The following SUV39H2 variants were observed in gnomAD, a reference collection of about 807,000 sequenced individuals.
SUV39H2 encodes the protein SUV39H2 histone lysine methyltransferase.
A neutral mutation model predicts 47.5 loss-of-function variants in SUV39H2; 10 were observed. The ratio of observed to expected loss-of-function variants is 0.21; its 90% CI spans 0.13 to 0.36. The LOEUF is 0.36. SUV39H2 is among the 10% of genes least tolerant of loss of function. The probability of loss-of-function intolerance (pLI) is 1.00; values close to 1 mark genes in which losing one functional copy is unlikely to be tolerated. For missense variants in SUV39H2, 266 were observed against 487.4 expected, an observed-to-expected ratio of 0.55 and a Z score of 4.28; for synonymous variants, 159 against 166.8, an observed-to-expected ratio of 0.95 and a Z score of 0.36.
intron 2 of SUV39H2, among the ~76,000 whole-genome samples, chr10:14,891,459 T>G (rs1310795078): frequency 6.6e-6 from 1 of 152,220 alleles, no homozygotes; most frequent in African/African-American, 2.4e-5. Flanking sequence ...TTGTGGATTT[T>G]TTGTTTTTAC....
rs148152571 is a variant in SUV39H2, at chr10:14,901,884, A to G, written c.1127-522A>G. ...ATTTTTACTGAGAGATGTATATTCA[A>G]AAGATTGAAAATATTTAAATCACAT... On this transcript the variant is annotated intron_variant, in intron 5 of 5. Coordinates refer to ENST00000354919, the MANE Select transcript of SUV39H2 (RefSeq NM_001193424.2). Among the ~76,000 whole-genome samples, 941 of 152,342 alleles carry G rather than the reference A, an allele frequency of 6.2e-3. 7 individuals are homozygous for G. The highest frequency in any genetic ancestry group is 0.021 in the African/African-American group (889 of 41,580).
At chr10:14,878,948 T>G in intron 1 of SUV39H2, 29 bp downstream of exon 1, 2 of 1,441,082 alleles carry the variant, frequency 1.4e-6, no homozygotes, top group Non-Finnish European at 1.8e-6. Flanking sequence ...CCCCTCGCCT[T>G]CCCTGTTCCC....
chr10:14,888,669 C>A (rs1178693586), intron 2 of SUV39H2, among the ~76,000 whole-genome samples: 2 of 151,900 alleles, frequency 1.3e-5, no homozygotes, highest in Non-Finnish European at 2.9e-5. Context: ...AAGAGTAAAT[C>A]ATGGGAACCA....
intron 2 of SUV39H2, among the ~76,000 whole-genome samples, chr10:14,894,963 TAAC>T (rs1291485987): frequency 6.6e-6 from 1 of 152,182 alleles, no homozygotes; most frequent in Non-Finnish European, 1.5e-5. Flanking sequence ...TTATCTCAAT[TAAC>T]AAGATTTTTC....
At chr10:14,895,988 C>T (rs762173417) in intron 2 of SUV39H2, among the ~76,000 whole-genome samples, 1 of 150,566 alleles carries the variant, frequency 6.6e-6, no homozygotes, top group South Asian at 2.1e-4. Context: ...CTGTCGCCCA[C>T]GCTGGAGTGC....
chr10:14,891,545 T>G (rs151237087), intron 2 of SUV39H2, among the ~76,000 whole-genome samples: 3 of 152,284 alleles, frequency 2.0e-5, no homozygotes, highest in African/African-American at 7.2e-5. Flanking sequence ...GTTGGAAGAT[T>G]AATGTTTAAG....
At chr10:14,890,090 A>G (rs1012221670) in intron 2 of SUV39H2, among the ~76,000 whole-genome samples, 40 of 152,214 alleles carry the variant, frequency 2.6e-4, no homozygotes, top group African/African-American at 9.4e-4. Flanking sequence ...GCACAAATTA[A>G]TGATAGTCCA....
At chr10:14,892,160 T>C (rs754809631) in intron 2 of SUV39H2, among the ~76,000 whole-genome samples, 3 of 152,176 alleles carry the variant, frequency 2.0e-5, no homozygotes, top group Non-Finnish European at 4.4e-5. Flanking sequence ...GGTTAGGTGG[T>C]GGCTGCCGCC....
chr10:14,890,294 T>C (rs557237641), intron 2 of SUV39H2, among the ~76,000 whole-genome samples: 1 of 152,230 alleles, frequency 6.6e-6, no homozygotes, highest in South Asian at 2.1e-4. Context: ...GCTATCACAA[T>C]TCCTACTCTT....
chr10:14,899,501 A>G, intron 3 of SUV39H2, 38 bp from the exon 4 acceptor site: 12 of 1,605,262 alleles, frequency 7.5e-6, no homozygotes, highest in Non-Finnish European at 1.0e-5. Flanking sequence ...TCTTTGGTTC[A>G]GTAGCTACGT....
At chr10:14,900,403 A>G (rs1407112781) in intron 4 of SUV39H2, among the ~76,000 whole-genome samples, 1 of 152,226 alleles carries the variant, frequency 6.6e-6, no homozygotes, top group Non-Finnish European at 1.5e-5. Flanking sequence ...AGCTGAACAT[A>G]TAAAGGAAGT....
chr10:14,888,735 G>T (rs1833293180), intron 2 of SUV39H2, among the ~76,000 whole-genome samples: 1 of 152,116 alleles, frequency 6.6e-6, no homozygotes, highest in Non-Finnish European at 1.5e-5. Context: ...GAACTGGAAA[G>T]AATCCACTGT....
chr10:14,883,517 C>T (rs1260818776), intron 2 of SUV39H2, among the ~76,000 whole-genome samples: 3 of 151,430 alleles, frequency 2.0e-5, no homozygotes, highest in Non-Finnish European at 4.4e-5. Flanking sequence ...CCAGCCTGGC[C>T]AACATAGTGA....
chr10:14,897,483 A>G lies in SUV39H2; in HGVS notation c.815A>G (p.Lys272Arg), dbSNP rs760165726. ...GWGVKTLVKIKRMSFVMEYVG... is the reference protein window; with the variant it reads ...GWGVKTLVKIRRMSFVMEYVG... ...GGTGTAAAGACCCTTGTGAAGATTA[A>G]AAGAATGAGTTTTGTCATGGAATAT... The change falls in exon 3 of 6, where the codon AAA (lysine) becomes AGA (arginine). Residue 272 changes from lysine (K) to arginine (R), a missense_variant. Physicochemically the swap from Lys to Arg is conservative, Grantham distance 26 (BLOSUM62 2). Coordinates refer to ENST00000354919, the MANE Select transcript of SUV39H2 (RefSeq NM_001193424.2). 3.8e-6 allele frequency: 6 copies of G among 1,573,848 alleles called. No homozygotes were observed. Among genetic ancestry groups the G allele is most frequent in the Non-Finnish European group, 5.2e-6 (6 of 1,157,762 alleles).
intron 2 of SUV39H2, among the ~76,000 whole-genome samples, chr10:14,894,824 C>T (rs767432733): frequency 6.6e-6 from 1 of 152,132 alleles, no homozygotes; most frequent in Non-Finnish European, 1.5e-5. Context: ...CAATTTGTGC[C>T]TCAGCAACAT....
At chr10:14,885,068 C>G (rs538343391) in intron 2 of SUV39H2, among the ~76,000 whole-genome samples, 20 of 152,270 alleles carry the variant, frequency 1.3e-4, no homozygotes, top group Non-Finnish European at 2.5e-4. Flanking sequence ...TATCTCTCCT[C>G]TGAAATGTTG....
chr10:14,894,404 G>C (rs1833497471), intron 2 of SUV39H2, among the ~76,000 whole-genome samples: 1 of 43,100 alleles, frequency 2.3e-5, no homozygotes, highest in Non-Finnish European at 3.2e-5. Flanking sequence ...GTCTCGCTCT[G>C]TCGCCCAGGC....
intron 3 of SUV39H2, chr10:14,898,607 A>C (rs1002011675): frequency 6.6e-6 from 1 of 152,124 alleles, no homozygotes; most frequent in Non-Finnish European, 1.5e-5. Flanking sequence ...TTGTTAACCA[A>C]AATTTTTTAA....
chr10:14,898,399 A>G (rs1040611883), intron 3 of SUV39H2: 1 of 151,786 alleles, frequency 6.6e-6, no homozygotes, highest in Non-Finnish European at 1.5e-5. Flanking sequence ...GTGACTAGAA[A>G]GACACAAGCA....
Sources: allele counts gnomAD v4.1 joint callset (sites outside exome capture counted in the v4.1 genomes callset), GRCh38; gene constraint gnomAD v4.1.1; transcripts MANE v1.5; gene names NCBI Gene and HGNC (gene_info 2026-07-23, HGNC 2026-07-21).